Variants in CTIF observed in about 807,000 individuals in gnomAD.
CTIF encodes CBP80/20-dependent translation initiation factor.
Under a neutral mutation model 66.0 loss-of-function variants are expected in CTIF, and 21 were observed. The ratio of observed to expected loss-of-function variants is 0.32; its 90% confidence interval spans 0.23 to 0.46. The LOEUF (loss-of-function observed/expected upper bound fraction) is 0.46, where lower values mean the gene tolerates loss of function less well. CTIF is among the 20% of genes least tolerant of loss of function. The pLI, the probability that CTIF is intolerant of heterozygous loss-of-function variation, is 1.00. For synonymous variants in CTIF, 345 were observed against 326.4 expected, an observed-to-expected ratio of 1.06 and a Z score of -0.62; for missense variants, 739 against 812.7, an observed-to-expected ratio of 0.91 and a Z score of 1.10.
chr18:48,578,772 T>C (rs928620027), intron 1 of CTIF, among the ~76,000 whole-genome samples: 6 of 152,222 alleles, frequency 3.9e-5, no homozygotes, highest in Admixed American at 3.3e-4. Flanking sequence ...TTGCAAATAT[T>C]TTCTCCCATT....
intron 5 of CTIF, among the ~76,000 whole-genome samples, chr18:48,665,104 C>T (rs544178357): frequency 4.0e-5 from 6 of 151,616 alleles, no homozygotes; most frequent in East Asian, 1.9e-4. Context: ...TTAGTAGAGA[C>T]GGGGTTTCAC....
At chr18:48,738,029 C>G (rs7237298) in intron 7 of CTIF, among the ~76,000 whole-genome samples, 1,726 of 152,324 alleles carry the variant, frequency 0.011, 30 homozygotes, top group African/African-American at 0.039. Context: ...ATTTCCAAAA[C>G]CAAGCTTCCA....
intron 1 of CTIF, among the ~76,000 whole-genome samples, chr18:48,603,582 G>C (rs894526540): frequency 6.7e-6 from 1 of 149,140 alleles, no homozygotes; most frequent in African/African-American, 2.5e-5. Flanking sequence ...TGGATGGCTG[G>C]CTGGGTGGAT....
At chr18:48,696,572 C>T (rs1212027121) in intron 6 of CTIF, among the ~76,000 whole-genome samples, 1 of 152,246 alleles carries the variant, frequency 6.6e-6, no homozygotes, top group Non-Finnish European at 1.5e-5. Context: ...GGACCCTTCT[C>T]TTTGCAAGCT....
rs1321180609 is a variant in CTIF, at chr18:48,669,799, A to G, written c.432-870A>G. Among the ~76,000 whole-genome samples the G allele has an allele frequency of 8.2e-5, 5 of 61,114 alleles. 1 individual carries two copies. Among genetic ancestry groups the G allele is most frequent in the African/African-American group, 3.9e-4 (5 of 12,660 alleles). The allele number at this position is 61,114 out of a possible 152,430, so 40.1% of individuals were successfully genotyped here. ...AAACAAACAAGCTAAACATTTATAT[A>G]TATATATATATATATATATATATAT... On this transcript the variant is annotated intron_variant, in intron 5 of 11. Transcript: ENST00000256413.
At chr18:48,610,761 T>C (rs571332836) in intron 1 of CTIF, among the ~76,000 whole-genome samples, 96 of 152,342 alleles carry the variant, frequency 6.3e-4, no homozygotes, top group African/African-American at 1.8e-3. Flanking sequence ...GAGGCTACTC[T>C]TGGGGACAGA....
chr18:48,798,771 C>T lies in CTIF; in HGVS notation c.1372-18450C>T, dbSNP rs147215502. On this transcript the variant is annotated intron_variant, in intron 9 of 11. Coordinates refer to ENST00000256413, the MANE Select transcript of CTIF (RefSeq NM_014772.3). ...CATTGTCACTCTCAGCAGTGGTTCT[C>T]AACCAGGAGTGATTTTGCCTCCAGC... 1.2e-4 allele frequency among the ~76,000 whole-genome samples: 19 copies of T among 152,328 alleles called. No homozygotes were observed. The East Asian group carries it at 3.7e-3, about 29-fold the overall frequency.
intron 10 of CTIF, among the ~76,000 whole-genome samples, chr18:48,819,393 C>T (rs1437903435): frequency 1.3e-5 from 2 of 152,240 alleles, no homozygotes; most frequent in African/African-American, 4.8e-5. Flanking sequence ...CAGGGAGCAG[C>T]ACTGTTCTAG....
At chr18:48,829,314 A>G (rs2068643681) in intron 10 of CTIF, among the ~76,000 whole-genome samples, 1 of 152,126 alleles carries the variant, frequency 6.6e-6, no homozygotes, top group African/African-American at 2.4e-5. Context: ...GGATGGCAGC[A>G]AACACTAGGG....
At chr18:48,635,324 TTTC>T (rs2090796270) in intron 2 of CTIF, among the ~76,000 whole-genome samples, 11 of 130,444 alleles carry the variant, frequency 8.4e-5, no homozygotes, top group African/African-American at 2.9e-4. Context: ...TTTCTTTTTC[TTTC>T]TTTTTTTTTT....
At chr18:48,575,006 T>C (rs1479893825) in intron 1 of CTIF, among the ~76,000 whole-genome samples, 2 of 152,192 alleles carry the variant, frequency 1.3e-5, no homozygotes, top group Non-Finnish European at 2.9e-5. Flanking sequence ...TGTTGGGAAC[T>C]GGGTATGACC....
At chr18:48,689,178 T>C (rs552935951) in intron 6 of CTIF, among the ~76,000 whole-genome samples, 5 of 152,354 alleles carry the variant, frequency 3.3e-5, no homozygotes, top group Admixed American at 3.3e-4. Flanking sequence ...TGTTCTCTGT[T>C]CTGCATACTG....
At chr18:48,850,697 G>C (rs962717550) in intron 10 of CTIF, among the ~76,000 whole-genome samples, 4 of 152,382 alleles carry the variant, frequency 2.6e-5, no homozygotes, top group African/African-American at 9.6e-5. Flanking sequence ...AGCCTGTGGA[G>C]TTGTGCCAAG....
chr18:48,830,978 A>G (rs1431375740), intron 10 of CTIF, among the ~76,000 whole-genome samples: 1 of 152,202 alleles, frequency 6.6e-6, no homozygotes. Flanking sequence ...TGAATTAAGG[A>G]AGTAGAGTGC....
chr18:48,805,702 C>A (rs1301480932), intron 9 of CTIF, among the ~76,000 whole-genome samples: 4 of 152,220 alleles, frequency 2.6e-5, no homozygotes, highest in Non-Finnish European at 5.9e-5. Flanking sequence ...GGGACTGGGA[C>A]TGGCCCAGAG....
At chr18:48,837,927 A>G (rs1158869463) in intron 10 of CTIF, among the ~76,000 whole-genome samples, 15 of 152,154 alleles carry the variant, frequency 9.9e-5, no homozygotes. Context: ...CCTGGTGGGA[A>G]GGGAGTGGGG....
intron 7 of CTIF, among the ~76,000 whole-genome samples, chr18:48,730,490 G>T (rs1301746394): frequency 8.1e-6 from 1 of 123,670 alleles, no homozygotes; most frequent in Non-Finnish European, 1.7e-5. Flanking sequence ...CGGTGTGAGG[G>T]GCTTCTGCGG....
chr18:48,651,531 CG>C (rs1334589946), intron 3 of CTIF, among the ~76,000 whole-genome samples: 2 of 152,282 alleles, frequency 1.3e-5, no homozygotes, highest in African/African-American at 4.8e-5. Context: ...ACTTTAACAC[CG>C]CACTGTCAAT....
In CTIF at chr18:48,669,793, T is replaced by TATATATATATATATA. The variant is rs1568120522; in HGVS notation, c.432-876_432-875insATATATATATATATA. On this transcript the variant is annotated intron_variant, in intron 5 of 11. Transcript: ENST00000256413. ...ATTTATAAACAAACAAGCTAAACATTTATATATATATATATATATATATAT... is the reference window on the plus strand; with the variant it reads ...ATTTATAAACAAACAAGCTAAACATTATATATATATATATATATATATATATATATATATATATAT... Among the ~76,000 whole-genome samples, 12 of 47,260 alleles carry TATATATATATATATA rather than the reference T, an allele frequency of 2.5e-4. 6 individuals are homozygous for TATATATATATATATA. Among genetic ancestry groups the TATATATATATATATA allele is most frequent in the South Asian group, 1.5e-3 (2 of 1,358 alleles). The allele number at this position is 47,260 out of a possible 152,430, so 31.0% of individuals were successfully genotyped here. A position where few individuals can be genotyped will look rare whatever the true frequency, so the allele number is the denominator to read the frequency against.
Sources: allele counts gnomAD v4.1 joint callset (sites outside exome capture counted in the v4.1 genomes callset), GRCh38; gene constraint gnomAD v4.1.1; transcripts MANE v1.5; gene names NCBI Gene and HGNC (gene_info 2026-07-23, HGNC 2026-07-21).